The following OSBPL2 variants were observed in gnomAD, a reference collection of about 807,000 sequenced individuals.
OSBPL2 encodes oxysterol binding protein like 2.
OSBPL2 carries 18 observed loss-of-function variants against 58.4 expected under a neutral mutation model. That is an observed-to-expected ratio of 0.31 (90% CI 0.21 to 0.46). The LOEUF is 0.46. OSBPL2 is among the 20% of genes least tolerant of loss of function. OSBPL2 has a pLI of 1.00. For missense variants in OSBPL2, 461 were observed against 616.5 expected, an observed-to-expected ratio of 0.75 and a Z score of 2.67; for synonymous variants, 221 against 234.1, an observed-to-expected ratio of 0.94 and a Z score of 0.51.
chr20:62,257,505 A>G (rs574383013), intron 2 of OSBPL2, among the ~76,000 whole-genome samples: 1 of 152,104 alleles, frequency 6.6e-6, no homozygotes, highest in Non-Finnish European at 1.5e-5. Context: ...GGAGCTTGCA[A>G]CTCATCCATG....
chr20:62,293,890 G>T lies in OSBPL2; in HGVS notation c.*3G>T, dbSNP rs150719610. On this transcript the variant is annotated 3_prime_UTR_variant, in exon 14 of 14. Transcript: ENST00000313733. Reference sequence around the variant, plus strand: ...CCGACTGCCCAGATATCTACTGAGGGCCTGGAGGGGCCTGGGGCCCGGGAC... The same window carrying T: ...CCGACTGCCCAGATATCTACTGAGGTCCTGGAGGGGCCTGGGGCCCGGGAC... 1.2e-6 allele frequency: 2 copies of T among 1,613,108 alleles called. No homozygotes were observed. The highest frequency in any genetic ancestry group is 3.3e-5 in the Admixed American group (2 of 59,874).
At position 62,284,046 on chromosome 20, in the gene OSBPL2, C is replaced by T; in HGVS notation, c.873C>T (p.Asn291=). Residue 291 remains asparagine, a splice_region_variant and synonymous_variant, in exon 10 of 14, where the codon AAC becomes AAT. Transcript: ENST00000313733. The part of the protein sequence containing the change: ...HKVEGHIQDK[N]KKKLFMIYGK... The stretch of plus-strand genomic sequence containing the variant: ...CTTTAAAAATCCCATTTAATTACAG[C>T]AAAAAGAAGCTCTTTATGATCTATG... 6.2e-7 allele frequency: 1 copy of T among 1,610,128 alleles called. No homozygotes were observed. Among genetic ancestry groups the T allele is most frequent in the Non-Finnish European group, 8.5e-7 (1 of 1,177,452 alleles).
intron 4 of OSBPL2, 104 bp downstream of exon 4, chr20:62,263,795 G>A (rs1981479131): frequency 3.0e-6 from 3 of 1,010,114 alleles, no homozygotes. Context: ...GCCGGGCGCG[G>A]TGGCTCACGC....
chr20:62,260,049 T>G lies in OSBPL2; in HGVS notation c.106T>G (p.Leu36Val). 1.2e-6 allele frequency: 2 copies of G among 1,613,672 alleles called. No homozygotes were observed. Among genetic ancestry groups the G allele is most frequent in the East Asian group, 2.2e-5 (1 of 44,864 alleles). ...ANQKVTGMID[L>V]DTSKNNRIGK... ...TCAGAAAGTCACGGGAATGATTGAC[T>G]TAGACACCAGCAAAAATAATAGGAT... The change falls in exon 3 of 14, where the codon TTA becomes GTA. Residue 36 changes from leucine (L) to valine (V), a missense_variant. This residue lies in a region of OSBPL2 where 80 missense variants were observed against 74.8 expected (regional missense o/e 1.07). Transcript: ENST00000313733.
intron 12 of OSBPL2, among the ~76,000 whole-genome samples, chr20:62,290,739 T>C (rs1030191739): frequency 6.7e-6 from 1 of 149,528 alleles, no homozygotes; most frequent in African/African-American, 2.5e-5. Context: ...TTTTTGTTTT[T>C]TTTGTTTTTT....
intron 2 of OSBPL2, chr20:62,258,962 T>G (rs1448971939): frequency 6.6e-6 from 1 of 152,208 alleles, no homozygotes; most frequent in Non-Finnish European, 1.5e-5. Context: ...AGCACTGCCT[T>G]TATGGATGGA....
At chr20:62,248,186 G>A (rs767574011) in intron 1 of OSBPL2, among the ~76,000 whole-genome samples, 3 of 114,358 alleles carry the variant, frequency 2.6e-5, no homozygotes, top group African/African-American at 7.0e-5. Flanking sequence ...ACAGGGTCTC[G>A]CTCTGTTGCC....
At chr20:62,250,129 A>G (rs1980425806) in intron 1 of OSBPL2, among the ~76,000 whole-genome samples, 1 of 152,230 alleles carries the variant, frequency 6.6e-6, no homozygotes, top group Non-Finnish European at 1.5e-5. Context: ...GGACCACCAC[A>G]GTTCCACCTC....
Position 62,243,027 on chromosome 20 carries a change from C to T in OSBPL2, c.-129+4430C>T, listed in dbSNP as rs150583996. 7.4e-4 allele frequency among the ~76,000 whole-genome samples: 112 copies of T among 152,270 alleles called. No individual in the cohort carries two copies. The East Asian group carries it at 0.014, about 19-fold the overall frequency. On this transcript the variant is annotated intron_variant, in intron 1 of 13. Transcript: ENST00000313733. ...ATCCAAGGCTGATCGTGAGAAAGAG[C>T]CCCCTGTAACCTGGGACCTTGTGCC...
At chr20:62,283,913 C>A in intron 9 of OSBPL2, 133 bp from the exon 10 acceptor site, 1 of 870,460 alleles carries the variant, frequency 1.1e-6, no homozygotes, top group Non-Finnish European at 1.8e-6. Context: ...TTCACCTTCG[C>A]ATTTATGTCC....
intron 6 of OSBPL2, chr20:62,278,514 G>GAGTC (rs1982547882): frequency 8.8e-6 from 1 of 113,474 alleles, no homozygotes; most frequent in African/African-American, 4.1e-5. Flanking sequence ...GTTTATGTGT[G>GAGTC]TGTTGCCAAC....
rs1360309747 is a variant in OSBPL2 at position 62,293,809 on chromosome 20, C to A, written c.1365C>A (p.Pro455=). 6.2e-7 allele frequency: 1 copy of A among 1,614,126 alleles called. No homozygotes were observed. The highest frequency in any genetic ancestry group is 1.7e-5 in the Admixed American group (1 of 60,014). ...GGTGGTTCTACCCAGGCAATAACCC[C>A]TACACTGGGACCCCCGACTGGTTGT... The part of the protein sequence containing the change: ...QTRWFYPGNN[P]YTGTPDWLYA... The change falls in exon 14 of 14, where the codon CCC becomes CCA. Residue 455 remains proline (P), a synonymous_variant. Coordinates refer to ENST00000313733, the MANE Select transcript of OSBPL2 (RefSeq NM_144498.4).
At chr20:62,273,619 C>T (rs1332703837) in intron 6 of OSBPL2, among the ~76,000 whole-genome samples, 10 of 152,180 alleles carry the variant, frequency 6.6e-5, no homozygotes, top group African/African-American at 1.4e-4. Context: ...GAGTGTAAAG[C>T]GCTGGCAATG....
In OSBPL2 at chr20:62,272,983, GGT is replaced by G. The variant is rs1568842460; in HGVS notation, c.394-317_394-316del. 2.0e-5 allele frequency among the ~76,000 whole-genome samples: 3 copies of G among 152,348 alleles called. 1 individual carries two copies. The highest frequency in any genetic ancestry group is 2.0e-4 in the Admixed American group (3 of 15,308). On this transcript the variant is annotated intron_variant, in intron 5 of 13. Coordinates refer to ENST00000313733, the MANE Select transcript of OSBPL2 (RefSeq NM_144498.4). ...CATGCCTCTGTGAATGAGTGCTTGG[GGT>G]GTGTGTGTTGAGTGTGTGGCCTTGT...
chr20:62,251,761 G>A (rs1439665337), intron 1 of OSBPL2, among the ~76,000 whole-genome samples: 1 of 148,048 alleles, frequency 6.8e-6, no homozygotes, highest in African/African-American at 2.5e-5. Context: ...GATACTCACT[G>A]TGTTTAGATT....
intron 5 of OSBPL2, among the ~76,000 whole-genome samples, chr20:62,272,931 T>C (rs1255925175): frequency 6.6e-6 from 1 of 152,208 alleles, no homozygotes; most frequent in Non-Finnish European, 1.5e-5. Context: ...TGACTGTGGG[T>C]GCACATAACG....
chr20:62,266,596 C>T (rs142247127), intron 4 of OSBPL2, among the ~76,000 whole-genome samples: 1,859 of 151,326 alleles, frequency 0.012, 32 homozygotes, highest in African/African-American at 0.043. Context: ...GTTCTGGATC[C>T]GCAGTGATTG....
rs372649268 is a variant in OSBPL2, at chr20:62,257,751, G to C, written c.37+1530G>C. ...TTTTTTTGAGCCAGAGTCTTGCTTT[G>C]TCGCCCAGGCTGGAGTGCAGTGGCG... On this transcript the variant is annotated intron_variant, in intron 2 of 13. Transcript: ENST00000313733. Among the ~76,000 whole-genome samples, 5 of 135,942 alleles carry C rather than the reference G, an allele frequency of 3.7e-5. No individual in the cohort carries two copies. The East Asian group carries it at 1.1e-3, about 29-fold the overall frequency. 89.2% of individuals were successfully genotyped at this position (135,942 alleles called of 152,430 possible). A position where few individuals can be genotyped will look rare whatever the true frequency, so the allele number is the denominator to read the frequency against.
At chr20:62,264,825 C>T (rs1173737072) in intron 4 of OSBPL2, 4 of 152,208 alleles carry the variant, frequency 2.6e-5, no homozygotes, top group Non-Finnish European at 2.9e-5. Flanking sequence ...CATTTGGGCT[C>T]CTCCACTTGG....
Sources: gnomAD v4.1 joint callset for allele counts (sites outside exome capture counted in the v4.1 genomes callset) on GRCh38, gnomAD v4.1.1 for gene constraint, gnomAD v4.1.1 regional missense constraint, MANE v1.5 for transcripts, NCBI Gene and HGNC (gene_info 2026-07-23, HGNC 2026-07-21) for gene names.